The following FERRY3 variants were observed in gnomAD, a reference collection of about 807,000 sequenced individuals.
The protein encoded by FERRY3 is protein C12orf4.
chr12:4,533,653 AATGAT>A, the FERRY3 span, among the ~76,000 whole-genome samples: 1 of 152,242 alleles, frequency 6.6e-6, no homozygotes, highest in African/African-American at 2.4e-5. Flanking sequence ...TTAAATAGAA[AATGAT>A]ATGATGTGAC....
the FERRY3 span, among the ~76,000 whole-genome samples, chr12:4,497,897 G>T: frequency 6.6e-6 from 1 of 152,170 alleles, no homozygotes; most frequent in African/African-American, 2.4e-5. Context: ...AGAGGAAAAT[G>T]ACACCTGAAA....
At chr12:4,517,684 A>AATATATATAT in the FERRY3 span, among the ~76,000 whole-genome samples, 191 of 140,514 alleles carry the variant, frequency 1.4e-3, 1 homozygote, top group African/African-American at 4.7e-3. Context: ...AGGTTATTAA[A>AATATATATAT]ATATATATAT....
At chr12:4,513,810 T>A in the FERRY3 span, among the ~76,000 whole-genome samples, 1 of 152,046 alleles carries the variant, frequency 6.6e-6, no homozygotes, top group Non-Finnish European at 1.5e-5. Context: ...AACCTAGGCA[T>A]TACCATTCAG....
chr12:4,525,103 G>T, the FERRY3 span: 3 of 929,708 alleles, frequency 3.2e-6, no homozygotes, highest in Non-Finnish European at 4.8e-6. Context: ...AGCCTATAAT[G>T]CAAAAGGTGG....
At chr12:4,503,882 A>G in the FERRY3 span, among the ~76,000 whole-genome samples, 1 of 152,206 alleles carries the variant, frequency 6.6e-6, no homozygotes, top group Non-Finnish European at 1.5e-5. Flanking sequence ...AAAAACAGAT[A>G]TTAGTTCTTC....
chr12:4,528,422 T>C, the FERRY3 span, among the ~76,000 whole-genome samples: 1 of 152,164 alleles, frequency 6.6e-6, no homozygotes, highest in Admixed American at 6.5e-5. Flanking sequence ...AAAAAAATTT[T>C]GTCTTCCCCA....
At chr12:4,514,190 A>G in the FERRY3 span, among the ~76,000 whole-genome samples, 5 of 151,418 alleles carry the variant, frequency 3.3e-5, no homozygotes, top group African/African-American at 9.8e-5. Flanking sequence ...CAAAACCACA[A>G]TGAGATACCA....
chr12:4,501,784 A>G, the FERRY3 span, among the ~76,000 whole-genome samples: 1 of 152,260 alleles, frequency 6.6e-6, no homozygotes, highest in Admixed American at 6.5e-5. Flanking sequence ...AGTACACAAT[A>G]AATGTAATGC....
At chr12:4,527,422 C>T in the FERRY3 span, among the ~76,000 whole-genome samples, 1 of 151,880 alleles carries the variant, frequency 6.6e-6, no homozygotes, top group Non-Finnish European at 1.5e-5. Context: ...TATAGCCTGG[C>T]TCAGTATGTG....
At chr12:4,507,476 C>T in the FERRY3 span, among the ~76,000 whole-genome samples, 122,708 of 152,098 alleles carry the variant, frequency 0.81, 51,021 homozygotes, top group East Asian at 0.98. Flanking sequence ...ACAGAGTAAT[C>T]GCCAATACTA....
At chr12:4,536,215 C>A in the FERRY3 span, 1 of 1,504,048 alleles carries the variant, frequency 6.6e-7, no homozygotes. Flanking sequence ...AGGATTTCTA[C>A]AGAACTAACA....
chr12:4,523,276 G>A, the FERRY3 span, among the ~76,000 whole-genome samples: 1 of 152,140 alleles, frequency 6.6e-6, no homozygotes, highest in Non-Finnish European at 1.5e-5. Context: ...TTATTTCCTA[G>A]GAATACTTGA....
the FERRY3 span, among the ~76,000 whole-genome samples, chr12:4,506,206 T>G: frequency 2.0e-5 from 3 of 152,166 alleles, no homozygotes; most frequent in Non-Finnish European, 4.4e-5. Context: ...AAAGTAGCTA[T>G]CTTTAAGAGA....
At chr12:4,505,656 A>G in the FERRY3 span, among the ~76,000 whole-genome samples, 1 of 152,214 alleles carries the variant, frequency 6.6e-6, no homozygotes, top group African/African-American at 2.4e-5. Flanking sequence ...GCATGCACAG[A>G]TAAGTAGTGG....
the FERRY3 span, among the ~76,000 whole-genome samples, chr12:4,510,690 A>G: frequency 6.7e-6 from 1 of 150,314 alleles, no homozygotes; most frequent in Non-Finnish European, 1.5e-5. Flanking sequence ...CAGACAAGCA[A>G]ATGCTGAGAG....
the FERRY3 span, among the ~76,000 whole-genome samples, chr12:4,517,616 TAAA>T: frequency 1.2e-4 from 18 of 149,628 alleles, no homozygotes; most frequent in Non-Finnish European, 2.2e-4. Flanking sequence ...GAAATAATCA[TAAA>T]AAGTGAATTG....
At chr12:4,498,696 C>G in the FERRY3 span, among the ~76,000 whole-genome samples, 37 of 152,276 alleles carry the variant, frequency 2.4e-4, no homozygotes, top group East Asian at 1.2e-3. Flanking sequence ...GCACCAGGAA[C>G]CAGTTTCACG....
the FERRY3 span, among the ~76,000 whole-genome samples, chr12:4,490,986 G>A: frequency 6.6e-6 from 1 of 152,108 alleles, no homozygotes; most frequent in East Asian, 1.9e-4. Flanking sequence ...TTTCAAAGGG[G>A]CTGGAGACTT....
At chr12:4,517,233 C>A in the FERRY3 span, 1 of 1,463,998 alleles carries the variant, frequency 6.8e-7, no homozygotes, top group South Asian at 1.6e-5. Flanking sequence ...TGCGAACTAT[C>A]AAATATTTAG....
Sources: gnomAD v4.1 joint callset for allele counts (sites outside exome capture counted in the v4.1 genomes callset) on GRCh38, gnomAD v4.1.1 for gene constraint, MANE v1.5 for transcripts, NCBI Gene and HGNC (gene_info 2026-07-23, HGNC 2026-07-21) for gene names.